The following CFAP95 variants were observed in gnomAD, a reference collection of about 807,000 sequenced individuals.
CFAP95 encodes the protein cilia and flagella associated protein 95.
chr9:69,825,541 T>C, the CFAP95 span, among the ~76,000 whole-genome samples: 1 of 152,198 alleles, frequency 6.6e-6, no homozygotes, highest in Non-Finnish European at 1.5e-5. Flanking sequence ...ATCACCCTTA[T>C]CACACCTTGA....
chr9:69,854,583 C>G, the CFAP95 span, among the ~76,000 whole-genome samples: 1 of 152,158 alleles, frequency 6.6e-6, no homozygotes, highest in Non-Finnish European at 1.5e-5. Flanking sequence ...ATAAATTATA[C>G]CAAGTGTTCT....
the CFAP95 span, among the ~76,000 whole-genome samples, chr9:69,881,622 G>A: frequency 2.6e-5 from 4 of 152,034 alleles, no homozygotes; most frequent in African/African-American, 9.7e-5. Context: ...TGTTCTTTTG[G>A]CTCAGGATAG....
At chr9:69,894,340 T>C in the CFAP95 span, among the ~76,000 whole-genome samples, 1 of 151,998 alleles carries the variant, frequency 6.6e-6, no homozygotes, top group Non-Finnish European at 1.5e-5. Flanking sequence ...GACTACCGAG[T>C]TGATTGGGAG....
chr9:69,873,384 G>A, the CFAP95 span, among the ~76,000 whole-genome samples: 1 of 152,092 alleles, frequency 6.6e-6, no homozygotes, highest in African/African-American at 2.4e-5. Context: ...GGAAATGACC[G>A]GCATGTCTGT....
the CFAP95 span, among the ~76,000 whole-genome samples, chr9:69,865,027 C>A: frequency 6.6e-6 from 1 of 152,138 alleles, no homozygotes; most frequent in Non-Finnish European, 1.5e-5. Flanking sequence ...ATAATCCCCA[C>A]ATGTCAAGGC....
At chr9:69,878,753 A>G in the CFAP95 span, among the ~76,000 whole-genome samples, 10 of 152,176 alleles carry the variant, frequency 6.6e-5, no homozygotes, top group Admixed American at 2.6e-4. Flanking sequence ...CTGTTCTTGC[A>G]TTGCTATAAA....
At chr9:69,904,764 C>CAT in the CFAP95 span, among the ~76,000 whole-genome samples, 1 of 152,188 alleles carries the variant, frequency 6.6e-6, no homozygotes, top group Non-Finnish European at 1.5e-5. Context: ...AGCAACCAAC[C>CAT]ATAACACCTG....
chr9:69,898,157 A>G, the CFAP95 span, among the ~76,000 whole-genome samples: 2 of 151,984 alleles, frequency 1.3e-5, no homozygotes, highest in Non-Finnish European at 2.9e-5. Flanking sequence ...GTTAATTGAC[A>G]TTGTTGTGTT....
the CFAP95 span, among the ~76,000 whole-genome samples, chr9:69,835,416 T>C: frequency 6.6e-6 from 1 of 152,236 alleles, no homozygotes; most frequent in Non-Finnish European, 1.5e-5. Context: ...ATATGTATGT[T>C]GAAAGTTTTC....
At chr9:69,828,190 A>G in the CFAP95 span, among the ~76,000 whole-genome samples, 1 of 152,252 alleles carries the variant, frequency 6.6e-6, no homozygotes, top group Non-Finnish European at 1.5e-5. Context: ...AAGTTAATCA[A>G]TAATACTCCA....
At chr9:69,899,598 T>C in the CFAP95 span, among the ~76,000 whole-genome samples, 2 of 152,236 alleles carry the variant, frequency 1.3e-5, no homozygotes, top group Non-Finnish European at 2.9e-5. Context: ...TGGTCCTTGA[T>C]TGGCATCTAG....
At chr9:69,887,702 T>C in the CFAP95 span, among the ~76,000 whole-genome samples, 7 of 152,182 alleles carry the variant, frequency 4.6e-5, no homozygotes, top group East Asian at 1.9e-4. Context: ...CCACTCACCA[T>C]TGAAGGTGAG....
the CFAP95 span, among the ~76,000 whole-genome samples, chr9:69,871,373 G>A: frequency 6.6e-6 from 1 of 152,152 alleles, no homozygotes; most frequent in African/African-American, 2.4e-5. Context: ...GCCATGCTGA[G>A]TTTGGACTTT....
the CFAP95 span, among the ~76,000 whole-genome samples, chr9:69,875,829 G>T: frequency 5.9e-5 from 9 of 152,240 alleles, no homozygotes; most frequent in South Asian, 1.9e-3. Flanking sequence ...TGTTTTTAAA[G>T]AAATGGTTTA....
the CFAP95 span, among the ~76,000 whole-genome samples, chr9:69,859,675 G>A: frequency 6.6e-6 from 1 of 152,204 alleles, no homozygotes. Flanking sequence ...GTACAGTCAT[G>A]CATCGCATAA....
chr9:69,872,873 A>T, the CFAP95 span, among the ~76,000 whole-genome samples: 1 of 152,172 alleles, frequency 6.6e-6, no homozygotes, highest in Non-Finnish European at 1.5e-5. Flanking sequence ...GAAACCAAAG[A>T]AAGAGGCAGA....
At chr9:69,824,032 C>T in the CFAP95 span, among the ~76,000 whole-genome samples, 2 of 152,084 alleles carry the variant, frequency 1.3e-5, no homozygotes, top group African/African-American at 4.8e-5. Flanking sequence ...AGAGGCCTGA[C>T]AGTTAGTTAT....
At chr9:69,886,719 T>G in the CFAP95 span, 12 of 700,412 alleles carry the variant, frequency 1.7e-5, no homozygotes, top group Admixed American at 2.7e-5. Flanking sequence ...GTTTTAAATT[T>G]TGATTAGGGC....
At chr9:69,838,141 A>C in the CFAP95 span, among the ~76,000 whole-genome samples, 2 of 152,110 alleles carry the variant, frequency 1.3e-5, no homozygotes, top group Admixed American at 1.3e-4. Flanking sequence ...GTAGCCTTGT[A>C]GTATAGTTTG....
Sources: allele counts gnomAD v4.1 joint callset (sites outside exome capture counted in the v4.1 genomes callset), GRCh38; gene constraint gnomAD v4.1.1; transcripts MANE v1.5; gene names NCBI Gene and HGNC (gene_info 2026-07-23, HGNC 2026-07-21).